SIK2: variants seen among roughly 807,000 people sequenced by gnomAD.
SIK2 encodes the protein serine/threonine-protein kinase SIK2.
SIK2 carries 29 observed loss-of-function variants against 103.2 expected under a neutral mutation model. The ratio of observed to expected loss-of-function variants is 0.28; its 90% CI spans 0.21 to 0.38. The LOEUF is 0.38. SIK2 is among the 10% of genes least tolerant of loss of function. The pLI is 1.00. For missense variants in SIK2, 879 were observed against 1,171.0 expected, an observed-to-expected ratio of 0.75 and a Z score of 3.64; for synonymous variants, 412 against 446.1, an observed-to-expected ratio of 0.92 and a Z score of 0.96.
In SIK2 at chr11:111,667,235, G is replaced by A. The variant is rs556763947; in HGVS notation, c.317-20766G>A. ...AAGTGCTGGAAGACCATGCCCGGCC[G>A]TAGTCATTATCTTTTTATACTATTT... On this transcript the variant is annotated intron_variant, in intron 3 of 14. Coordinates refer to ENST00000304987, the MANE Select transcript of SIK2 (RefSeq NM_015191.3). Among the ~76,000 whole-genome samples, 5 of 151,786 alleles carry A rather than the reference G, an allele frequency of 3.3e-5. No homozygotes were observed. In the East Asian group the frequency reaches 5.8e-4, roughly 18 times the overall value.
At chr11:111,628,309 A>G (rs1194315084) in intron 3 of SIK2, among the ~76,000 whole-genome samples, 1 of 152,082 alleles carries the variant, frequency 6.6e-6, no homozygotes, top group Non-Finnish European at 1.5e-5. Flanking sequence ...TACTAGTATT[A>G]GTTTAAGGAG....
At position 111,726,015 on chromosome 11, in the gene SIK2, T is replaced by A. The variant is rs1943953580; in HGVS notation, c.*1886T>A. The A allele has an allele frequency of 1.3e-5, 2 of 152,232 alleles. No individual in the cohort carries two copies. The highest frequency in any genetic ancestry group is 2.9e-5 in the Non-Finnish European group (2 of 68,040). The allele number at this position is 152,232 out of a possible 1,614,324, so 9.4% of individuals were successfully genotyped here. A position where few individuals can be genotyped will look rare whatever the true frequency, so the allele number is the denominator to read the frequency against. ...GTTTATTCCTGCTCGTGCTTAAGATTGATGATTTCGTGAAATAAAGAACAT... is the reference window on the plus strand; with the variant it reads ...GTTTATTCCTGCTCGTGCTTAAGATAGATGATTTCGTGAAATAAAGAACAT... On this transcript the variant is annotated 3_prime_UTR_variant, in exon 15 of 15. Coordinates refer to ENST00000304987, the MANE Select transcript of SIK2 (RefSeq NM_015191.3).
At chr11:111,624,487 TC>T (rs1338752529) in intron 3 of SIK2, among the ~76,000 whole-genome samples, 30 of 152,234 alleles carry the variant, frequency 2.0e-4, no homozygotes, top group Admixed American at 1.3e-4. Flanking sequence ...TTCCTTTTCT[TC>T]CCTTTTTCCT....
chr11:111,703,182 G>A (rs1277682578), intron 6 of SIK2, 21 bp from the exon 7 acceptor site: 1 of 1,610,216 alleles, frequency 6.2e-7, no homozygotes, highest in Non-Finnish European at 8.5e-7. Context: ...TGTGACTTTT[G>A]TAACATTGTG....
Position 111,725,000 on chromosome 11 carries a change from C to G in SIK2, c.*871C>G, listed in dbSNP as rs1943923490. 1 of 152,540 alleles carries G rather than the reference C, an allele frequency of 6.6e-6. No homozygotes were observed. Among genetic ancestry groups the G allele is most frequent in the Non-Finnish European group, 1.5e-5 (1 of 68,052 alleles). The allele number at this position is 152,540 out of a possible 1,614,324, so 9.4% of individuals were successfully genotyped here. A position where few individuals can be genotyped will look rare whatever the true frequency, so the allele number is the denominator to read the frequency against. ...CTGCTGGCTTGCGGGCAGTCGGTCT[C>G]CAGGGTACCTGTTGTCTCTTTTCCG... is the stretch of plus-strand genomic sequence containing the variant. On this transcript the variant is annotated 3_prime_UTR_variant, in exon 15 of 15. Transcript: ENST00000304987.
Position 111,632,218 on chromosome 11 carries a change from G to A in SIK2, c.316+11816G>A, listed in dbSNP as rs372208365. Among the ~76,000 whole-genome samples, 8 of 151,936 alleles carry A rather than the reference G, an allele frequency of 5.3e-5. No homozygotes were observed. In the East Asian group the frequency reaches 9.6e-4, roughly 18 times the overall value. ...CCGAATTTTATCTAAGAGAAGGAAC[G>A]GTACCTCTTCCTCGAAGAAAGCAAA... On this transcript the variant is annotated intron_variant, in intron 3 of 14. Transcript: ENST00000304987.
At chr11:111,635,168 T>C (rs951654084) in intron 3 of SIK2, among the ~76,000 whole-genome samples, 42 of 152,004 alleles carry the variant, frequency 2.8e-4, no homozygotes, top group Non-Finnish European at 4.0e-4. Context: ...TTTGTTTAAA[T>C]TGGGTCGGAC....
At chr11:111,620,044 G>A (rs972735617) in intron 2 of SIK2, among the ~76,000 whole-genome samples, 2 of 152,290 alleles carry the variant, frequency 1.3e-5, no homozygotes, top group East Asian at 3.9e-4. Context: ...TTGTTAAAAT[G>A]TAAATTCCAA....
rs1944142895 is a variant in SIK2, at chr11:111,730,254, C to A, written c.*6125C>A. The stretch of plus-strand genomic sequence containing the variant: ...CCAGATGGAATAATGTCACATTCCC[C>A]AGTGCAGATAATGGGCTGCTGCTGG... On this transcript the variant is annotated 3_prime_UTR_variant, in exon 15 of 15. Transcript: ENST00000304987. The A allele has an allele frequency of 6.6e-6, 1 of 152,246 alleles. No homozygotes were observed. The highest frequency in any genetic ancestry group is 1.5e-5 in the Non-Finnish European group (1 of 68,056). The allele number at this position is 152,246 out of a possible 1,614,324, so 9.4% of individuals were successfully genotyped here. A position where few individuals can be genotyped will look rare whatever the true frequency, so the allele number is the denominator to read the frequency against.
At chr11:111,706,990 C>A (rs1454502688) in intron 8 of SIK2, among the ~76,000 whole-genome samples, 7 of 147,434 alleles carry the variant, frequency 4.7e-5, no homozygotes, top group African/African-American at 1.2e-4. Context: ...AGTATTGATA[C>A]AGATGTAAGT....
chr11:111,637,428 C>T (rs934117756), intron 3 of SIK2, among the ~76,000 whole-genome samples: 1 of 149,540 alleles, frequency 6.7e-6, no homozygotes, highest in African/African-American at 2.5e-5. Context: ...GAATAACACC[C>T]TTATCTTATC....
Position 111,602,708 on chromosome 11 carries a change from G to A in SIK2, c.135+10G>A, listed in dbSNP as rs1225241137. 3.3e-6 allele frequency: 5 copies of A among 1,497,226 alleles called. No homozygotes were observed. Among genetic ancestry groups the A allele is most frequent in the Non-Finnish European group, 4.5e-6 (5 of 1,121,214 alleles). 92.7% of individuals were successfully genotyped at this position (1,497,226 alleles called of 1,614,324 possible). ...GATCACCAAGACGGAGGTGCGGCCCGGGGCTCGGCGGGAGCGTCCGAGGCG... is the reference window on the plus strand; with the variant it reads ...GATCACCAAGACGGAGGTGCGGCCCAGGGCTCGGCGGGAGCGTCCGAGGCG... On this transcript the variant is annotated intron_variant, in intron 1 of 14. Transcript: ENST00000304987. This position sits in a 1 kb window ranked among gnomAD's most constrained non-coding sequence, Gnocchi z 4.5.
intron 3 of SIK2, among the ~76,000 whole-genome samples, chr11:111,684,216 C>T (rs750508079): frequency 1.3e-4 from 20 of 152,092 alleles, no homozygotes; most frequent in Non-Finnish European, 2.2e-4. Flanking sequence ...TTTTTCTTTC[C>T]CCTTGCCTGT....
intron 4 of SIK2, among the ~76,000 whole-genome samples, chr11:111,693,758 T>C (rs1483177926): frequency 6.6e-6 from 1 of 152,212 alleles, no homozygotes; most frequent in Non-Finnish European, 1.5e-5. Flanking sequence ...TTATTTACAC[T>C]TTCTAGGCCT....
At chr11:111,721,458 ATAC>A (rs1446420215) in intron 12 of SIK2, among the ~76,000 whole-genome samples, 1 of 152,212 alleles carries the variant, frequency 6.6e-6, no homozygotes, top group African/African-American at 2.4e-5. Context: ...ACTTTAGTAA[ATAC>A]TACAAGTGGA....
chr11:111,689,060 C>T (rs73010466), intron 4 of SIK2, among the ~76,000 whole-genome samples: 108 of 152,238 alleles, frequency 7.1e-4, no homozygotes, highest in Non-Finnish European at 1.3e-3. Flanking sequence ...GTTAGAGAAG[C>T]TTGTCAGGAA....
intron 3 of SIK2, among the ~76,000 whole-genome samples, chr11:111,646,601 C>T (rs1942260783): frequency 1.3e-5 from 2 of 152,150 alleles, no homozygotes; most frequent in Non-Finnish European, 1.5e-5. Flanking sequence ...CTCCTGCCTG[C>T]TCCTTCTTAT....
chr11:111,627,959 CTCTAG>C (rs1361883286), intron 3 of SIK2, among the ~76,000 whole-genome samples: 1 of 152,202 alleles, frequency 6.6e-6, no homozygotes, highest in Non-Finnish European at 1.5e-5. Flanking sequence ...TCTCTTTCTT[CTCTAG>C]TCAAGTACAT....
intron 1 of SIK2, among the ~76,000 whole-genome samples, chr11:111,612,637 G>T (rs1260491931): frequency 6.6e-6 from 1 of 152,016 alleles, no homozygotes; most frequent in Non-Finnish European, 1.5e-5. Context: ...TTTTCCTTCT[G>T]TCTAGCTGGA....
Sources: gnomAD v4.1 joint callset for allele counts (sites outside exome capture counted in the v4.1 genomes callset) on GRCh38, gnomAD v4.1.1 for gene constraint, Gnocchi (gnomAD v3.1) non-coding constraint, MANE v1.5 for transcripts, NCBI Gene and HGNC (gene_info 2026-07-23, HGNC 2026-07-21) for gene names.